The following CLPB variants were observed in gnomAD, a reference collection of about 807,000 sequenced individuals.
CLPB encodes the protein ClpB family mitochondrial disaggregase, also known as mitochondrial disaggregase.
Under a neutral mutation model 78.4 loss-of-function variants are expected in CLPB, and 40 were observed. The ratio of observed to expected loss-of-function variants is 0.51; its 90% CI spans 0.40 to 0.66. CLPB has a LOEUF of 0.66. CLPB is among the 30% of genes least tolerant of loss of function. CLPB has a pLI of 0.00. For synonymous variants in CLPB, 333 were observed against 348.0 expected, an observed-to-expected ratio of 0.96 and a Z score of 0.48; for missense variants, 780 against 886.9, an observed-to-expected ratio of 0.88 and a Z score of 1.53.
At chr11:72,422,851 C>T (rs1269766652) in intron 2 of CLPB, among the ~76,000 whole-genome samples, 1 of 152,194 alleles carries the variant, frequency 6.6e-6, no homozygotes, top group East Asian at 1.9e-4. Flanking sequence ...GGACATTTAC[C>T]TATGCTGTAA....
At chr11:72,413,398 T>G (rs1290456726) in intron 2 of CLPB, among the ~76,000 whole-genome samples, 1 of 152,132 alleles carries the variant, frequency 6.6e-6, no homozygotes, top group Non-Finnish European at 1.5e-5. Context: ...TTTTTTTTGC[T>G]GGACCATGTG....
intron 9 of CLPB, 138 bp downstream of exon 9, chr11:72,307,061 G>A: frequency 1.4e-6 from 1 of 703,314 alleles, no homozygotes; most frequent in South Asian, 2.0e-5. Flanking sequence ...GTTGGGGCCA[G>A]AGCTGAGGTC....
chr11:72,378,531 C>A (rs1590868879), intron 4 of CLPB, among the ~76,000 whole-genome samples: 1 of 152,176 alleles, frequency 6.6e-6, no homozygotes, highest in East Asian at 1.9e-4. Context: ...CCCCATGATT[C>A]AATTACTTTT....
At chr11:72,383,772 C>G (rs1437386990) in intron 3 of CLPB, among the ~76,000 whole-genome samples, 2 of 152,066 alleles carry the variant, frequency 1.3e-5, no homozygotes, top group Non-Finnish European at 2.9e-5. Flanking sequence ...TAAAGACTTT[C>G]CCAGAGAAAT....
intron 11 of CLPB, among the ~76,000 whole-genome samples, chr11:72,296,222 G>A (rs1401819843): frequency 6.6e-6 from 1 of 152,184 alleles, no homozygotes; most frequent in Non-Finnish European, 1.5e-5. Context: ...AAACCATGCT[G>A]TTCAAATGTT....
At chr11:72,390,466 A>G (rs1855220742) in intron 3 of CLPB, among the ~76,000 whole-genome samples, 1 of 151,646 alleles carries the variant, frequency 6.6e-6, no homozygotes, top group African/African-American at 2.4e-5. Context: ...AAAAAAAAAA[A>G]GAAAAGAAAA....
At chr11:72,311,509 AC>A (rs1238148332) in intron 7 of CLPB, among the ~76,000 whole-genome samples, 1 of 152,186 alleles carries the variant, frequency 6.6e-6, no homozygotes, top group Non-Finnish European at 1.5e-5. Context: ...GCTTAAGGTT[AC>A]AGGGGGAAGA....
At position 72,358,796 on chromosome 11, in the gene CLPB, C is replaced by A. The variant is rs187786084; in HGVS notation, c.775+84G>T. 3.9e-3 allele frequency: 631 copies of A among 163,062 alleles called. 6 individuals are homozygous for A. The highest frequency in any genetic ancestry group is 0.015 in the African/African-American group (584 of 38,080). 10.1% of individuals were successfully genotyped at this position (163,062 alleles called of 1,614,324 possible). On this transcript the variant is annotated intron_variant, in intron 5 of 15. Transcript: ENST00000538039. ...CCAAGTACTCTCTCCCCCTGCCAAGCCCCATCCCACCCCTCCTCCACCCCC... is the reference window on the plus strand; with the variant it reads ...CCAAGTACTCTCTCCCCCTGCCAAGACCCATCCCACCCCTCCTCCACCCCC...
chr11:72,402,143 C>T (rs909354290), intron 3 of CLPB, among the ~76,000 whole-genome samples: 11 of 151,978 alleles, frequency 7.2e-5, no homozygotes, highest in Non-Finnish European at 1.5e-4. Context: ...ACCTGTAGTC[C>T]TAGCTACTCA....
At chr11:72,319,749 T>C (rs1395199227) in intron 6 of CLPB, among the ~76,000 whole-genome samples, 2 of 152,230 alleles carry the variant, frequency 1.3e-5, no homozygotes, top group Non-Finnish European at 2.9e-5. Flanking sequence ...CTCTGGCACA[T>C]AGCATTAAGA....
Position 72,294,433 on chromosome 11 carries a change from C to T in CLPB, c.1572G>A (p.Arg524=). ...TGATCCGTCCCAGAAACTCATCCCT[C>T]CGGAAGTGAGCCTGAAGGGCCAGGT... The part of the protein sequence containing the change: ...VIRPILKAHF[R]RDEFLGRINE... The change falls in exon 14 of 16, where the codon CGG becomes CGA. Residue 524 remains arginine, a synonymous_variant. Coordinates refer to ENST00000538039, the MANE Select transcript of CLPB (RefSeq NM_001258392.3). 6.2e-7 allele frequency: 1 copy of T among 1,614,170 alleles called. No individual in the cohort carries two copies. The highest frequency in any genetic ancestry group is 2.2e-5 in the East Asian group (1 of 44,884).
chr11:72,339,257 A>C (rs919453674), intron 5 of CLPB, among the ~76,000 whole-genome samples: 10 of 152,354 alleles, frequency 6.6e-5, no homozygotes, highest in Admixed American at 3.9e-4. Flanking sequence ...TGGAAGAGAA[A>C]GTGAGGATTG....
intron 4 of CLPB, among the ~76,000 whole-genome samples, chr11:72,361,255 T>C (rs990671531): frequency 6.9e-4 from 105 of 152,288 alleles, no homozygotes; most frequent in African/African-American, 2.5e-3. Flanking sequence ...TGACATGGCC[T>C]CTCCAGACTG....
At chr11:72,379,745 GA>G (rs1019072842) in intron 4 of CLPB, among the ~76,000 whole-genome samples, 2 of 152,184 alleles carry the variant, frequency 1.3e-5, no homozygotes, top group African/African-American at 4.8e-5. Flanking sequence ...AAGTTGAGGG[GA>G]CAGTCCCAGA....
chr11:72,420,516 CAAT>C (rs1157559712), intron 2 of CLPB, among the ~76,000 whole-genome samples: 1 of 151,828 alleles, frequency 6.6e-6, no homozygotes. Context: ...AAAAAACTTT[CAAT>C]AATATTCAGT....
At chr11:72,360,290 T>C (rs910187149) in intron 4 of CLPB, among the ~76,000 whole-genome samples, 15 of 152,128 alleles carry the variant, frequency 9.9e-5, no homozygotes, top group African/African-American at 3.6e-4. Flanking sequence ...GTACACTCAG[T>C]CAAGAGGCGA....
chr11:72,321,523 C>T (rs150251389), intron 6 of CLPB, among the ~76,000 whole-genome samples: 1 of 152,212 alleles, frequency 6.6e-6, no homozygotes, highest in African/African-American at 2.4e-5. Context: ...GAGGCCGAGG[C>T]GAAGCCTAGC....
intron 2 of CLPB, among the ~76,000 whole-genome samples, chr11:72,407,860 G>A (rs1160346622): frequency 3.9e-5 from 6 of 151,984 alleles, no homozygotes; most frequent in African/African-American, 1.5e-4. Context: ...TATTAGCCAG[G>A]ATGGTCTTGA....
rs7947973 is a variant in CLPB at position 72,407,803 on chromosome 11, C to G, written c.456-4751G>C. 0.063 allele frequency among the ~76,000 whole-genome samples: 9,554 copies of G among 152,184 alleles called. 566 individuals are homozygous for G. The highest frequency in any genetic ancestry group is 0.15 in the African/African-American group (6,333 of 41,486). On this transcript the variant is annotated intron_variant, in intron 2 of 15. Coordinates refer to ENST00000538039, the MANE Select transcript of CLPB (RefSeq NM_001258392.3). Reference sequence around the variant, plus strand: ...CTGGGCCTACAGGTGCCTGCCACCACGCCCAGCTAATTTTTTGTATTTTTT... The same window carrying G: ...CTGGGCCTACAGGTGCCTGCCACCAGGCCCAGCTAATTTTTTGTATTTTTT...
Sources: gnomAD v4.1 joint callset for allele counts (sites outside exome capture counted in the v4.1 genomes callset) on GRCh38, gnomAD v4.1.1 for gene constraint, MANE v1.5 for transcripts, NCBI Gene and HGNC (gene_info 2026-07-23, HGNC 2026-07-21) for gene names.